UNC45A: variants seen among roughly 807,000 people sequenced by gnomAD.
UNC45A encodes the protein unc-45 myosin chaperone A.
Under a neutral mutation model 103.2 loss-of-function variants are expected in UNC45A, and 78 were observed. That is an observed-to-expected ratio of 0.76 (90% CI 0.63 to 0.91). UNC45A has a LOEUF of 0.91. Among genes scored for constraint, UNC45A ranks in the 40% least tolerant of loss-of-function variants. UNC45A has a pLI of 0.00. For synonymous variants in UNC45A, 495 were observed against 504.6 expected (o/e 0.98, Z 0.25); for missense variants, 1,193 against 1,224.8 (o/e 0.97, Z 0.39).
Position 90,953,531 on chromosome 15 carries a change from G to A in UNC45A, c.2650G>A (p.Val884Met). Residue 884 changes from valine (V) to methionine (M), a missense_variant, in exon 20 of 20, where the codon GTG becomes ATG. By Grantham distance (21) the Val-to-Met change is conservative. Transcript: ENST00000418476. The stretch of plus-strand genomic sequence containing the variant: ...CCAGGAGCTGCAGCACCGGGGTGCT[G>A]TGGTGGTGCTGAACATGGTGGAGGC... ...SNQELQHRGAVVVLNMVEASR... is the reference protein window; with the variant it reads ...SNQELQHRGAMVVLNMVEASR... 6.2e-7 allele frequency: 1 copy of A among 1,614,148 alleles called. No individual in the cohort carries two copies. Among genetic ancestry groups the A allele is most frequent in the Non-Finnish European group, 8.5e-7 (1 of 1,180,040 alleles).
In UNC45A at chr15:90,936,546, G is replaced by A. The variant is rs1596209681; in HGVS notation, c.426+86G>A. ...GGTGTAGACACAGTTCTCCAGACGAGATCCCGGTGGCAAGTGAACCTTGCC... is the reference window on the plus strand; with the variant it reads ...GGTGTAGACACAGTTCTCCAGACGAAATCCCGGTGGCAAGTGAACCTTGCC... On this transcript the variant is annotated intron_variant, in intron 4 of 19. Coordinates refer to ENST00000418476, the MANE Select transcript of UNC45A (RefSeq NM_018671.5). 3 of 1,468,692 alleles carry A rather than the reference G, an allele frequency of 2.0e-6. No individual in the cohort carries two copies. The East Asian group carries it at 7.2e-5, about 35-fold the overall frequency. 91.0% of individuals were successfully genotyped at this position (1,468,692 alleles called of 1,614,324 possible). A position where few individuals can be genotyped will look rare whatever the true frequency, so the allele number is the denominator to read the frequency against.
In UNC45A at chr15:90,947,407, G is replaced by T; in HGVS notation, c.1501-389G>T. On this transcript the variant is annotated intron_variant, in intron 10 of 19. Transcript: ENST00000418476. ...TTCCTCCCTGGGGCACTCAGTCCTG[G>T]ATTTCTCCATCCCATAAGGATTTGG... 3 of 280,452 alleles carry T rather than the reference G, an allele frequency of 1.1e-5. No homozygotes were observed. The Admixed American group carries it at 1.4e-4, about 13-fold the overall frequency. The allele number at this position is 280,452 out of a possible 1,614,324, so 17.4% of individuals were successfully genotyped here.
At chr15:90,933,883 C>T (rs1258021725), upstream of UNC45A, 3 of 395,214 alleles carry the variant, frequency 7.6e-6, no homozygotes, top group Non-Finnish European at 1.3e-5. Flanking sequence ...CCTGTCATCT[C>T]TCTCTAAAAG....
At chr15:90,933,789 T>C (rs977261503), upstream of UNC45A, 22 of 361,924 alleles carry the variant, frequency 6.1e-5, no homozygotes, top group African/African-American at 4.2e-4. Flanking sequence ...CCTCATTCTG[T>C]CCTCTAGTCC....
At position 90,948,145 on chromosome 15, in the gene UNC45A, G is replaced by C. The variant is rs1315237798; in HGVS notation, c.1599G>C (p.Trp533Cys). ...CCACTATCCTGCGTGTCCCCAGGTG[G>C]CTGTGCAATGACCAGATCGACGCAG... Reference protein sequence around the residue: ...TLKLAKQCRKWLCNDQIDAGT... With the variant: ...TLKLAKQCRKCLCNDQIDAGT... Residue 533 changes from tryptophan to cysteine, a missense_variant, in exon 12 of 20, where the codon TGG becomes TGC. By Grantham distance (215) the Trp-to-Cys change is radical. Coordinates refer to ENST00000418476, the MANE Select transcript of UNC45A (RefSeq NM_018671.5). 1.9e-6 allele frequency: 3 copies of C among 1,613,916 alleles called. No individual in the cohort carries two copies. Among genetic ancestry groups the C allele is most frequent in the Non-Finnish European group, 1.7e-6 (2 of 1,180,040 alleles).
At chr15:90,938,747 C>T (rs1357936740) in intron 4 of UNC45A, among the ~76,000 whole-genome samples, 3 of 152,210 alleles carry the variant, frequency 2.0e-5, no homozygotes, top group Non-Finnish European at 2.9e-5. Context: ...TCTCTGCTGA[C>T]TGCAACCTCC....
intron 4 of UNC45A, among the ~76,000 whole-genome samples, chr15:90,939,136 C>A (rs1408956099): frequency 6.6e-6 from 1 of 151,780 alleles, no homozygotes; most frequent in Non-Finnish European, 1.5e-5. Context: ...TCTGCCACCA[C>A]GCCCGGCTAA....
At chr15:90,944,816 C>A in intron 8 of UNC45A, 76 bp from the exon 9 acceptor site, 1 of 1,518,570 alleles carries the variant, frequency 6.6e-7, no homozygotes, top group South Asian at 1.3e-5. Flanking sequence ...TTCTCCACAT[C>A]TCCTAGGAAG....
intron 9 of UNC45A, among the ~76,000 whole-genome samples, chr15:90,945,855 ACTCCTGAC>A (rs1420556905): frequency 6.8e-6 from 1 of 146,926 alleles, no homozygotes; most frequent in East Asian, 2.1e-4. Context: ...CTGGTCTCGA[ACTCCTGAC>A]CTCACACCTG....
intron 6 of UNC45A, 154 bp downstream of exon 6, chr15:90,940,627 C>T (rs918739577): frequency 1.0e-6 from 1 of 978,416 alleles, no homozygotes; most frequent in African/African-American, 1.7e-5. Context: ...CTAAAAAGAA[C>T]TTAGGTAGGT....
rs764680533 is a variant in UNC45A at position 90,950,623 on chromosome 15, C to T, written c.2303+8C>T. 1 of 1,613,708 alleles carries T rather than the reference C, an allele frequency of 6.2e-7. No individual in the cohort carries two copies. Among genetic ancestry groups the T allele is most frequent in the South Asian group, 1.1e-5 (1 of 91,042 alleles). On this transcript the variant is annotated splice_region_variant and intron_variant, in intron 17 of 19. Coordinates refer to ENST00000418476, the MANE Select transcript of UNC45A (RefSeq NM_018671.5). ...GATCAGCGAGAGGCTCCGGTAAGGT[C>T]CCTTGGGATTGCGGGGCCTGGACCA...
At chr15:90,950,662 G>A (rs776043971) in intron 17 of UNC45A, 47 bp downstream of exon 17, 6 of 1,575,944 alleles carry the variant, frequency 3.8e-6, no homozygotes, top group East Asian at 2.3e-5. Flanking sequence ...ATCGGGATTC[G>A]GAATATCCCC....
rs147797974 is a variant in UNC45A, at chr15:90,953,169, C to A, written c.2436C>A (p.Phe812Leu). The change falls in exon 19 of 20, where the codon TTC becomes TTA. Residue 812 changes from phenylalanine to leucine, a missense_variant. By Grantham distance (22) the Phe-to-Leu change is conservative. Transcript: ENST00000418476. ...TCTGGCCACAGGTGCAGGACCTCTT[C>A]GAAGCCCAGGGCAATGACCGACTGA... ...LAMSKEVQDL[F>L]EAQGNDRLKL... 9.9e-6 allele frequency: 16 copies of A among 1,613,616 alleles called. No homozygotes were observed. The South Asian group carries it at 1.8e-4, about 18-fold the overall frequency.
intron 9 of UNC45A, among the ~76,000 whole-genome samples, chr15:90,946,078 C>A (rs980234164): frequency 3.3e-5 from 5 of 149,900 alleles, no homozygotes; most frequent in African/African-American, 1.2e-4. Context: ...CATGGTGAAA[C>A]CCCATCTCTA....
intron 8 of UNC45A, among the ~76,000 whole-genome samples, chr15:90,944,057 C>A (rs1223988090): frequency 8.4e-6 from 1 of 119,392 alleles, no homozygotes; most frequent in Non-Finnish European, 1.6e-5. Flanking sequence ...GAAAAAATAA[C>A]GGTAGATATA....
chr15:90,946,469 G>C (rs1229151172), intron 9 of UNC45A, 145 bp from the exon 10 acceptor site: 1 of 905,832 alleles, frequency 1.1e-6, no homozygotes, highest in Non-Finnish European at 1.6e-6. Context: ...TTGTCCAGGT[G>C]GAAACGTCCT....
In UNC45A at chr15:90,953,279, G is replaced by C. The variant is rs561364913; in HGVS notation, c.2546G>C (p.Arg849Pro). The C allele has an allele frequency of 1.2e-6, 2 of 1,612,424 alleles. No homozygotes were observed. The highest frequency in any genetic ancestry group is 1.7e-6 in the Non-Finnish European group (2 of 1,179,622). Residue 849 changes from arginine to proline, a missense_variant, in exon 19 of 20, where the codon CGG (arginine) becomes CCG (proline). Physicochemically the swap from Arg to Pro is moderately radical, Grantham distance 103 (BLOSUM62 -2). Coordinates refer to ENST00000418476, the MANE Select transcript of UNC45A (RefSeq NM_018671.5). Reference protein sequence around the residue: ...AGGLAMLTSMRPTLCSRIPQV... With the variant: ...AGGLAMLTSMPPTLCSRIPQV... ...GGCTTGGCCATGCTTACCTCCATGC[G>C]GCCCACGCTCTGCAGCCGCATTCCC...
rs1018403748 is a variant in UNC45A at position 90,950,277 on chromosome 15, T to G, written c.2187+10T>G. 4.5e-6 allele frequency: 7 copies of G among 1,551,598 alleles called. No homozygotes were observed. In the East Asian group the frequency reaches 1.5e-4, roughly 32 times the overall value. On this transcript the variant is annotated intron_variant, in intron 16 of 19. Coordinates refer to ENST00000418476, the MANE Select transcript of UNC45A (RefSeq NM_018671.5). ...CTTCCCTGGCGAGCGGGTACGTGTCTTCCTGCCCCGGCCTTTCCACTCCCT... is the reference window on the plus strand; with the variant it reads ...CTTCCCTGGCGAGCGGGTACGTGTCGTCCTGCCCCGGCCTTTCCACTCCCT...
chr15:90,932,446 T>A, upstream of UNC45A: 1 of 1,359,998 alleles, frequency 7.4e-7, no homozygotes, highest in South Asian at 1.9e-5. Context: ...GTGGTTGATG[T>A]AGGGGGTCCC....
Sources: gnomAD v4.1 joint callset for allele counts (sites outside exome capture counted in the v4.1 genomes callset) on GRCh38, gnomAD v4.1.1 for gene constraint, MANE v1.5 for transcripts, NCBI Gene and HGNC (gene_info 2026-07-23, HGNC 2026-07-21) for gene names.